The following TSPAN5 variants were observed in gnomAD, a reference collection of about 807,000 sequenced individuals.
TSPAN5 encodes tetraspanin 5.
In TSPAN5, 10 loss-of-function variants were observed where a neutral mutation model predicts 37.1. The ratio of observed to expected loss-of-function variants is 0.27; its 90% confidence interval spans 0.17 to 0.46. The LOEUF (loss-of-function observed/expected upper bound fraction) is 0.46, where lower values mean the gene tolerates loss of function less well. Among genes scored for constraint, TSPAN5 ranks in the 20% least tolerant of loss-of-function variants. The pLI is 1.00. For synonymous variants in TSPAN5, 110 were observed against 118.9 expected, an observed-to-expected ratio of 0.93 and a Z score of 0.48; for missense variants, 195 against 326.6, an observed-to-expected ratio of 0.60 and a Z score of 3.11.
intron 2 of TSPAN5, among the ~76,000 whole-genome samples, chr4:98,491,351 G>A (rs1039765394): frequency 2.0e-5 from 3 of 152,116 alleles, no homozygotes; most frequent in African/African-American, 7.2e-5. Flanking sequence ...TTACCTAGCA[G>A]GAGAAAAAAA....
intron 1 of TSPAN5, among the ~76,000 whole-genome samples, chr4:98,527,102 T>C (rs1047865791): frequency 2.0e-5 from 3 of 152,214 alleles, no homozygotes; most frequent in African/African-American, 7.2e-5. Context: ...CTCACTTAAT[T>C]GTAACCACCA....
intron 1 of TSPAN5, among the ~76,000 whole-genome samples, chr4:98,518,277 G>A (rs953129521): frequency 1.3e-5 from 2 of 152,100 alleles, no homozygotes; most frequent in Non-Finnish European, 2.9e-5. Context: ...TAAGGTAAAA[G>A]TAGGATTATA....
At chr4:98,582,775 C>T (rs538026844) in intron 1 of TSPAN5, among the ~76,000 whole-genome samples, 206 of 152,316 alleles carry the variant, frequency 1.4e-3, no homozygotes, top group African/African-American at 4.8e-3. Flanking sequence ...ACTGACCCCA[C>T]TATATTGTAA....
chr4:98,527,013 G>T (rs1353767536), intron 1 of TSPAN5, among the ~76,000 whole-genome samples: 2 of 152,186 alleles, frequency 1.3e-5, no homozygotes, highest in Admixed American at 6.5e-5. Flanking sequence ...TAGCATCAAA[G>T]AATCTGGATT....
At chr4:98,638,810 T>G (rs2110274492) in intron 1 of TSPAN5, among the ~76,000 whole-genome samples, 1 of 152,350 alleles carries the variant, frequency 6.6e-6, no homozygotes, top group Non-Finnish European at 1.5e-5. Context: ...GACAAAGGAC[T>G]TTATTATTCA....
chr4:98,567,813 CGG>C (rs1755039656), intron 1 of TSPAN5, among the ~76,000 whole-genome samples: 1 of 151,682 alleles, frequency 6.6e-6, no homozygotes, highest in African/African-American at 2.4e-5. Flanking sequence ...GGTGGCGGGG[CGG>C]GGGGCCTGGT....
intron 1 of TSPAN5, among the ~76,000 whole-genome samples, chr4:98,626,812 A>G (rs1219870246): frequency 2.0e-5 from 3 of 149,002 alleles, no homozygotes; most frequent in Non-Finnish European, 4.4e-5. Flanking sequence ...GATCTAATGT[A>G]CTTGCTGTTT....
intron 2 of TSPAN5, among the ~76,000 whole-genome samples, chr4:98,499,134 A>G (rs922462311): frequency 2.0e-5 from 3 of 152,218 alleles, no homozygotes; most frequent in Non-Finnish European, 4.4e-5. Flanking sequence ...CACTAGGCAC[A>G]GGGACTCAGC....
chr4:98,482,232 T>C, intron 3 of TSPAN5, 57 bp from the exon 4 acceptor site: 8 of 1,507,536 alleles, frequency 5.3e-6, no homozygotes, highest in Non-Finnish European at 7.3e-6. Context: ...TGATCATATA[T>C]AGCTAAATGG....
chr4:98,482,923 G>C (rs904036725), intron 3 of TSPAN5: 10 of 152,090 alleles, frequency 6.6e-5, no homozygotes, highest in Non-Finnish European at 1.2e-4. Context: ...GTAGACAACA[G>C]GGGTTTTAAA....
chr4:98,541,922 GT>G (rs936637210), intron 1 of TSPAN5, among the ~76,000 whole-genome samples: 3 of 152,026 alleles, frequency 2.0e-5, no homozygotes, highest in Non-Finnish European at 2.9e-5. Context: ...GTTATGGTGG[GT>G]TTTATTAAGG....
chr4:98,562,022 A>G (rs900426118), intron 1 of TSPAN5, among the ~76,000 whole-genome samples: 1 of 152,226 alleles, frequency 6.6e-6, no homozygotes, highest in Non-Finnish European at 1.5e-5. Flanking sequence ...AGTAGGCTCC[A>G]TGATGGCAAT....
At chr4:98,582,153 C>T (rs1045930602) in intron 1 of TSPAN5, among the ~76,000 whole-genome samples, 2 of 152,200 alleles carry the variant, frequency 1.3e-5, no homozygotes, top group African/African-American at 2.4e-5. Flanking sequence ...GCAATATAAA[C>T]TGCATAGCTT....
At position 98,472,289 on chromosome 4, in the gene TSPAN5, T is replaced by C. The variant is rs1752603849; in HGVS notation, c.*233A>G. 2.5e-6 allele frequency: 1 copy of C among 403,152 alleles called. No individual in the cohort carries two copies. The highest frequency in any genetic ancestry group is 4.4e-5 in the Admixed American group (1 of 22,900). The allele number at this position is 403,152 out of a possible 1,614,324, so 25.0% of individuals were successfully genotyped here. A position where few individuals can be genotyped will look rare whatever the true frequency, so the allele number is the denominator to read the frequency against. Reference sequence around the variant, plus strand: ...AAGCATCTAACTGTCCATAAATTCATGGCTACAGTAGAGATTCACGGCGCA... The same window carrying C: ...AAGCATCTAACTGTCCATAAATTCACGGCTACAGTAGAGATTCACGGCGCA... On this transcript the variant is annotated 3_prime_UTR_variant, in exon 8 of 8. Transcript: ENST00000305798.
intron 1 of TSPAN5, among the ~76,000 whole-genome samples, chr4:98,534,785 CT>C (rs1467084003): frequency 6.6e-6 from 1 of 152,170 alleles, no homozygotes; most frequent in Non-Finnish European, 1.5e-5. Context: ...CTTCTTTTCT[CT>C]TTTGATCTTT....
intron 1 of TSPAN5, among the ~76,000 whole-genome samples, chr4:98,542,366 T>C (rs776901624): frequency 2.3e-4 from 35 of 152,218 alleles, no homozygotes; most frequent in Non-Finnish European, 4.1e-4. Flanking sequence ...CAATTAAATA[T>C]GGAAGTCAAG....
rs1002625872 is a variant in TSPAN5 at position 98,476,475 on chromosome 4, A to C, written c.577-15T>G. ...ATGACATCTTCCTGGTGAAGAAAGG[A>C]AAGAGAAAAGTGAAATTTACTCATT... On this transcript the variant is annotated splice_polypyrimidine_tract_variant and intron_variant, in intron 5 of 7. Coordinates refer to ENST00000305798, the MANE Select transcript of TSPAN5 (RefSeq NM_005723.4). The C allele has an allele frequency of 6.2e-7, 1 of 1,613,864 alleles. No individual in the cohort carries two copies. The highest frequency in any genetic ancestry group is 1.3e-5 in the African/African-American group (1 of 74,936).
chr4:98,569,619 C>T (rs953412910), intron 1 of TSPAN5, among the ~76,000 whole-genome samples: 1 of 152,162 alleles, frequency 6.6e-6, no homozygotes, highest in African/African-American at 2.4e-5. Context: ...TGGAGAAAAA[C>T]AGAGGAAAAT....
chr4:98,533,001 GT>G (rs1475663526), intron 1 of TSPAN5, among the ~76,000 whole-genome samples: 2 of 152,322 alleles, frequency 1.3e-5, no homozygotes, highest in African/African-American at 4.8e-5. Context: ...TTATTGATTT[GT>G]GTATGTTGAA....
Sources: gnomAD v4.1 joint callset for allele counts (sites outside exome capture counted in the v4.1 genomes callset) on GRCh38, gnomAD v4.1.1 for gene constraint, MANE v1.5 for transcripts, NCBI Gene and HGNC (gene_info 2026-07-23, HGNC 2026-07-21) for gene names.